PDE4D: variants seen among roughly 807,000 people sequenced by gnomAD.
PDE4D encodes 3',5'-cyclic-AMP phosphodiesterase 4D.
PDE4D carries 24 observed loss-of-function variants against 87.4 expected under a neutral mutation model. The ratio of observed to expected loss-of-function variants is 0.27; its 90% CI spans 0.20 to 0.39. The LOEUF (loss-of-function observed/expected upper bound fraction) is 0.39, where lower values mean the gene tolerates loss of function less well. PDE4D is among the 10% of genes least tolerant of loss of function. The probability of loss-of-function intolerance (pLI) is 1.00; values close to 1 mark genes in which losing one functional copy is unlikely to be tolerated. For synonymous variants in PDE4D, 384 were observed against 383.2 expected, an observed-to-expected ratio of 1.00 and a Z score of -0.02; for missense variants, 714 against 1,041.0, an observed-to-expected ratio of 0.69 and a Z score of 4.32.
At chr5:60,480,407 A>C (rs1163620233) in intron 1 of PDE4D, among the ~76,000 whole-genome samples, 1 of 152,124 alleles carries the variant, frequency 6.6e-6, no homozygotes, top group African/African-American at 2.4e-5. Flanking sequence ...TACGTATATT[A>C]ATTTACTTAA....
intron 5 of PDE4D, among the ~76,000 whole-genome samples, chr5:59,152,198 T>C (rs1253728479): frequency 6.6e-6 from 1 of 152,200 alleles, no homozygotes; most frequent in Non-Finnish European, 1.5e-5. Flanking sequence ...ACCTACCTTA[T>C]GTGATCATGC....
chr5:59,030,709 C>A (rs1344721107), intron 6 of PDE4D, among the ~76,000 whole-genome samples: 1 of 152,040 alleles, frequency 6.6e-6, no homozygotes, highest in African/African-American at 2.4e-5. Flanking sequence ...CCAGCCTGAA[C>A]AAAAGAGCAA....
At chr5:59,562,237 C>T (rs974176986) in intron 1 of PDE4D, among the ~76,000 whole-genome samples, 3 of 152,084 alleles carry the variant, frequency 2.0e-5, no homozygotes, top group Non-Finnish European at 2.9e-5. Context: ...TGCTCTTAAA[C>T]GTCCTCTACC....
intron 1 of PDE4D, among the ~76,000 whole-genome samples, chr5:60,423,449 G>A (rs1161056440): frequency 6.6e-6 from 1 of 152,066 alleles, no homozygotes; most frequent in Non-Finnish European, 1.5e-5. Flanking sequence ...TGACTACTGG[G>A]TACATAATGA....
At chr5:59,457,734 T>C (rs1282084498) in intron 1 of PDE4D, among the ~76,000 whole-genome samples, 3 of 151,674 alleles carry the variant, frequency 2.0e-5, no homozygotes, top group African/African-American at 7.3e-5. Flanking sequence ...CAAGTAAAAA[T>C]ACAAAATAAA....
intron 1 of PDE4D, among the ~76,000 whole-genome samples, chr5:60,439,702 A>C (rs1745040198): frequency 6.6e-6 from 1 of 152,064 alleles, no homozygotes. Context: ...TACTTTCAAA[A>C]TAAATCTCAA....
chr5:59,699,229 T>C (rs1024194996), intron 1 of PDE4D, among the ~76,000 whole-genome samples: 3 of 152,112 alleles, frequency 2.0e-5, no homozygotes, highest in Middle Eastern at 3.2e-3. Flanking sequence ...AATTATCAAA[T>C]TGAATTTGAG....
At chr5:59,941,489 A>G (rs922637843) in intron 3 of PDE4D, among the ~76,000 whole-genome samples, 7 of 152,276 alleles carry the variant, frequency 4.6e-5, no homozygotes, top group South Asian at 2.1e-4. Flanking sequence ...TCTCCTCCCA[A>G]TTGCCTTTCA....
chr5:59,499,852 G>A, intron 1 of PDE4D, among the ~76,000 whole-genome samples: 1 of 147,828 alleles, frequency 6.8e-6, no homozygotes, highest in Admixed American at 6.7e-5. Flanking sequence ...ATACAAATAA[G>A]AGCTGATACA....
At chr5:59,573,065 T>G (rs1288583797) in intron 1 of PDE4D, among the ~76,000 whole-genome samples, 1 of 152,212 alleles carries the variant, frequency 6.6e-6, no homozygotes, top group African/African-American at 2.4e-5. Context: ...GTGTTTAAGC[T>G]TCCTGATTTA....
At chr5:59,788,375 G>A (rs891122530) in intron 1 of PDE4D, among the ~76,000 whole-genome samples, 1 of 152,214 alleles carries the variant, frequency 6.6e-6, no homozygotes, top group Admixed American at 6.5e-5. Flanking sequence ...CTGTCTGAAG[G>A]AAGGAGGCAT....
intron 1 of PDE4D, among the ~76,000 whole-genome samples, chr5:59,432,269 A>ATATTAT (rs60512486): frequency 0.29 from 43,623 of 151,568 alleles, 7,873 homozygotes; most frequent in African/African-American, 0.51. Flanking sequence ...TCCTTTATTA[A>ATATTAT]TATTAAGTCA....
chr5:60,230,294 TG>T (rs1745646682), intron 1 of PDE4D, among the ~76,000 whole-genome samples: 1 of 152,120 alleles, frequency 6.6e-6, no homozygotes, highest in South Asian at 2.1e-4. Flanking sequence ...TTTGAAATAG[TG>T]GAGTTTTTGA....
chr5:60,111,064 T>A (rs1241471145), intron 2 of PDE4D, among the ~76,000 whole-genome samples: 3 of 151,878 alleles, frequency 2.0e-5, no homozygotes, highest in African/African-American at 7.2e-5. Context: ...TATAGCTAGA[T>A]GAGAGGAATG....
chr5:59,277,429 C>T (rs1351733524), intron 1 of PDE4D, among the ~76,000 whole-genome samples: 1 of 152,010 alleles, frequency 6.6e-6, no homozygotes, highest in Admixed American at 6.6e-5. Context: ...GTTAATTAAT[C>T]ATGTATTTTT....
At chr5:60,042,340 A>G (rs1420308459) in intron 2 of PDE4D, among the ~76,000 whole-genome samples, 3 of 152,172 alleles carry the variant, frequency 2.0e-5, no homozygotes, top group Non-Finnish European at 4.4e-5. Flanking sequence ...GGGACAGAGC[A>G]CCTGGGGGAA....
intron 1 of PDE4D, among the ~76,000 whole-genome samples, chr5:59,841,356 T>C (rs1313914379): frequency 6.6e-6 from 1 of 152,074 alleles, no homozygotes; most frequent in South Asian, 2.1e-4. Context: ...CCTTTTAGAC[T>C]TCCTTATTTG....
At chr5:59,225,135 C>T (rs1271078526) in intron 1 of PDE4D, among the ~76,000 whole-genome samples, 1 of 152,214 alleles carries the variant, frequency 6.6e-6, no homozygotes, top group Non-Finnish European at 1.5e-5. Context: ...TCTAGGTTTA[C>T]AGCTTCAGGT....
chr5:60,382,833 C>T lies in PDE4D; in HGVS notation c.-90+105109G>A, dbSNP rs569792160. Reference sequence around the variant, plus strand: ...CTAGGGCTGCATATGAGACAGTGAGCGCTAGGGAAGTCAGTTCTACAGCCA... The same window carrying T: ...CTAGGGCTGCATATGAGACAGTGAGTGCTAGGGAAGTCAGTTCTACAGCCA... On this transcript the variant is annotated intron_variant, in intron 1 of 16. Transcript: ENST00000502484. Among the ~76,000 whole-genome samples the T allele has an allele frequency of 5.3e-5, 8 of 152,260 alleles. No homozygotes were observed. The East Asian group carries it at 1.3e-3, about 26-fold the overall frequency.
Sources: gnomAD v4.1 joint callset for allele counts (sites outside exome capture counted in the v4.1 genomes callset) on GRCh38, gnomAD v4.1.1 for gene constraint, MANE v1.5 for transcripts, NCBI Gene and HGNC (gene_info 2026-07-23, HGNC 2026-07-21) for gene names.